Variants in STK32C observed in about 807,000 individuals in gnomAD.
STK32C encodes the protein serine/threonine-protein kinase 32C.
In STK32C, 31 loss-of-function variants were observed where a neutral mutation model predicts 56.5. The ratio of observed to expected loss-of-function variants is 0.55; its 90% CI spans 0.41 to 0.74. The LOEUF is 0.74. Ranked by LOEUF, STK32C falls within the 30% of genes least tolerant of loss-of-function variation. The pLI is 0.00. For synonymous variants in STK32C, 309 were observed against 289.4 expected, an observed-to-expected ratio of 1.07 and a Z score of -0.69; for missense variants, 544 against 676.9, an observed-to-expected ratio of 0.80 and a Z score of 2.18.
chr10:132,234,363 G>A (rs915103863), intron 2 of STK32C, among the ~76,000 whole-genome samples: 1 of 152,278 alleles, frequency 6.6e-6, no homozygotes, highest in East Asian at 1.9e-4. Context: ...TTCCTCTTCT[G>A]CCACATTCCC....
downstream of STK32C, among the ~76,000 whole-genome samples, chr10:132,321,025 G>T (rs2066396662): frequency 6.6e-6 from 1 of 152,200 alleles, no homozygotes; most frequent in Admixed American, 6.5e-5. Context: ...TTGCCGTGTG[G>T]TTTGTTTGGC....
At chr10:132,295,111 G>A (rs901817603) in intron 1 of STK32C, among the ~76,000 whole-genome samples, 8 of 152,182 alleles carry the variant, frequency 5.3e-5, no homozygotes, top group African/African-American at 1.4e-4. Context: ...GCAGGTGCAC[G>A]GAAAACACGT....
intron 10 of STK32C, among the ~76,000 whole-genome samples, chr10:132,221,806 C>T (rs1590161965): frequency 7.6e-6 from 1 of 131,952 alleles, no homozygotes; most frequent in African/African-American, 3.0e-5. Context: ...GTGGCCATCC[C>T]TGCACACACT....
At chr10:132,268,070 C>CGTGT (rs372495069) in intron 1 of STK32C, among the ~76,000 whole-genome samples, 2 of 127,950 alleles carry the variant, frequency 1.6e-5, no homozygotes, top group Non-Finnish European at 1.6e-5. Flanking sequence ...TGTCCCACGT[C>CGTGT]GTGTGTGTGT....
intron 1 of STK32C, among the ~76,000 whole-genome samples, chr10:132,328,626 A>G (rs574234398): frequency 6.6e-6 from 1 of 152,326 alleles, no homozygotes; most frequent in South Asian, 2.1e-4. Flanking sequence ...ATTCCTTCCC[A>G]AGGTTAGTTT....
chr10:132,232,023 C>T (rs529603967), intron 2 of STK32C, among the ~76,000 whole-genome samples: 2 of 152,356 alleles, frequency 1.3e-5, no homozygotes, highest in East Asian at 3.9e-4. Flanking sequence ...TTTCTCCACG[C>T]CTCCTGTGTC....
chr10:132,273,062 G>A (rs1473882465), intron 1 of STK32C, among the ~76,000 whole-genome samples: 1 of 152,160 alleles, frequency 6.6e-6, no homozygotes, highest in East Asian at 1.9e-4. Context: ...TCACCCCAAT[G>A]AAGACTGCAA....
rs879882171 is a variant in STK32C, at chr10:132,218,328, AT to A, written c.1251+4312del. 2.1e-4 allele frequency among the ~76,000 whole-genome samples: 32 copies of A among 152,344 alleles called. No individual in the cohort carries two copies. The East Asian group carries it at 3.9e-3, about 18-fold the overall frequency. The stretch of plus-strand genomic sequence containing the variant: ...AGCAAGACCCTGTCTCTAAAAAAAA[AT>A]AAAGTAAAATAAATATGCCAATTAA... On this transcript the variant is annotated intron_variant, in intron 10 of 11. Transcript: ENST00000298630.
rs141330508 is a variant in STK32C, at chr10:132,208,062, C to T, written c.1409G>A (p.Arg470His). ...GGGGCCGCACATGGGCAGGGCGGAG[C>T]GTTCCGCCTCGTCCTCCACAGGCTC... ...AAEPVEDEAERSALPMCGPIC... is the reference protein window; with the variant it reads ...AAEPVEDEAEHSALPMCGPIC... The change falls in exon 12 of 12, where the codon CGC (arginine) becomes CAC (histidine). Residue 470 changes from arginine (R) to histidine (H), a missense_variant. Around this residue, in one of 3 missense-constraint regions of STK32C, gnomAD observed 277 missense variants for 309.3 expected, o/e 0.90. Coordinates refer to ENST00000298630, the MANE Select transcript of STK32C (RefSeq NM_173575.4). The T allele has an allele frequency of 3.1e-5, 40 of 1,310,294 alleles. No individual in the cohort carries two copies. The Admixed American group carries it at 3.1e-4, about 10-fold the overall frequency. 81.2% of individuals were successfully genotyped at this position (1,310,294 alleles called of 1,614,324 possible). A position where few individuals can be genotyped will look rare whatever the true frequency, so the allele number is the denominator to read the frequency against.
chr10:132,239,765 C>T (rs754113082), intron 2 of STK32C, among the ~76,000 whole-genome samples: 10 of 152,352 alleles, frequency 6.6e-5, no homozygotes, highest in South Asian at 2.1e-4. Context: ...CCAGGCTTCC[C>T]GGACACTAGG....
At chr10:132,236,660 G>C (rs560220299) in intron 2 of STK32C, among the ~76,000 whole-genome samples, 34 of 152,300 alleles carry the variant, frequency 2.2e-4, no homozygotes, top group African/African-American at 7.5e-4. Flanking sequence ...ATGGTTTCCA[G>C]TACTATCCCC....
At chr10:132,276,031 C>A (rs1007426256) in intron 1 of STK32C, among the ~76,000 whole-genome samples, 6 of 152,198 alleles carry the variant, frequency 3.9e-5, no homozygotes, top group Non-Finnish European at 7.3e-5. Context: ...CAAGCCGCCA[C>A]ACCACCAGGC....
chr10:132,270,024 C>T (rs1427204701), intron 1 of STK32C, among the ~76,000 whole-genome samples: 3 of 152,232 alleles, frequency 2.0e-5, no homozygotes, highest in Non-Finnish European at 4.4e-5. Flanking sequence ...AGTTTACAAG[C>T]TGATGCCTGG....
intron 2 of STK32C, among the ~76,000 whole-genome samples, chr10:132,237,095 C>CGACTG (rs1554980626): frequency 6.6e-6 from 1 of 152,238 alleles, no homozygotes; most frequent in East Asian, 1.9e-4. Context: ...CACAGCCTCC[C>CGACTG]GACTGTTGAG....
chr10:132,251,422 G>A (rs2063901223), intron 1 of STK32C, among the ~76,000 whole-genome samples: 1 of 152,146 alleles, frequency 6.6e-6, no homozygotes, highest in Non-Finnish European at 1.5e-5. Context: ...ACTTGATCTG[G>A]GCCTCAGAGG....
rs1216898436 is a variant in STK32C, at chr10:132,255,242, G to C, written c.263-9287C>G. ...GCCCCGCAGAGCTTGTGCAGCCTCT[G>C]GGGATGTCTGGCCCACACGGGGCTC... On this transcript the variant is annotated intron_variant, in intron 1 of 11. Transcript: ENST00000298630. This position sits in a 1 kb window ranked among gnomAD's most constrained non-coding sequence, Gnocchi z 4.6. Among the ~76,000 whole-genome samples, 2 of 152,146 alleles carry C rather than the reference G, an allele frequency of 1.3e-5. No individual in the cohort carries two copies. The highest frequency in any genetic ancestry group is 1.3e-4 in the Admixed American group (2 of 15,272).
chr10:132,211,312 G>A (rs910119913), intron 10 of STK32C, among the ~76,000 whole-genome samples: 3 of 152,134 alleles, frequency 2.0e-5, no homozygotes, highest in East Asian at 1.9e-4. Context: ...GATTCACAGC[G>A]ACACAAGGTG....
At chr10:132,252,510 C>T (rs560658316) in intron 1 of STK32C, among the ~76,000 whole-genome samples, 4 of 152,388 alleles carry the variant, frequency 2.6e-5, no homozygotes, top group South Asian at 4.1e-4. Context: ...CAAATTAAGA[C>T]GCAGGTAAAA....
In STK32C at chr10:132,283,697, A is replaced by G. The variant is rs185050899; in HGVS notation, c.262+23875T>C. On this transcript the variant is annotated intron_variant, in intron 1 of 11. Transcript: ENST00000298630. ...GAGGAGGGAGAGGCCGCGGGCTGTC[A>G]TGGAGATGACCCCAGCACTAAGAGG... Among the ~76,000 whole-genome samples the G allele has an allele frequency of 3.0e-3, 456 of 152,296 alleles. 7 individuals carry two copies. The South Asian group carries it at 0.049, about 16-fold the overall frequency.
Sources: allele counts gnomAD v4.1 joint callset (sites outside exome capture counted in the v4.1 genomes callset), GRCh38; gene constraint gnomAD v4.1.1; regional missense constraint gnomAD v4.1.1; non-coding constraint Gnocchi (gnomAD v3.1); transcripts MANE v1.5; gene names NCBI Gene and HGNC (gene_info 2026-07-23, HGNC 2026-07-21).